Variants in DMD observed in about 807,000 individuals in gnomAD.
DMD encodes the protein dystrophin, also known as mutant dystrophin.
Under a neutral mutation model 330.1 loss-of-function variants are expected in DMD, and 63 were observed. The ratio of observed to expected loss-of-function variants is 0.19; its 90% confidence interval spans 0.16 to 0.24. The LOEUF is 0.24. DMD is among the 10% of genes least tolerant of loss of function. The probability of loss-of-function intolerance (pLI) is 1.00; values close to 1 mark genes in which losing one functional copy is unlikely to be tolerated. For missense variants in DMD, 3,344 were observed against 2,684.1 expected (o/e 1.25, Z -5.43); for synonymous variants, 1,223 against 959.8 (o/e 1.27, Z -5.07).
intron 60 of DMD, among the ~76,000 whole-genome samples, chrX:31,409,187 A>G (rs2061534776): frequency 8.9e-6 from 1 of 111,739 alleles, no homozygotes; most frequent in Admixed American, 9.5e-5. Context: ...TTGGTATCTT[A>G]ATGTTATCCT....
intron 62 of DMD, among the ~76,000 whole-genome samples, chrX:31,301,770 TTTG>T (rs373373602): frequency 1.8e-5 from 2 of 111,862 alleles, no homozygotes; most frequent in African/African-American, 6.5e-5. Flanking sequence ...TTTTTGTTTG[TTTG>T]TTGTTGTTGT....
intron 60 of DMD, among the ~76,000 whole-genome samples, chrX:31,378,676 C>A (rs1196011082): frequency 9.1e-6 from 1 of 109,398 alleles, no homozygotes; most frequent in East Asian, 2.9e-4. Context: ...CATGTCTCTA[C>A]CCCTTCTCCG....
intron 16 of DMD, among the ~76,000 whole-genome samples, chrX:32,555,916 G>T (rs757471681): frequency 3.6e-5 from 4 of 111,543 alleles, no homozygotes; most frequent in Admixed American, 9.5e-5. Flanking sequence ...ATGGGCAAAG[G>T]TTTCATGAGG....
At chrX:31,207,605 T>C (rs1021867116) in intron 65 of DMD, among the ~76,000 whole-genome samples, 2 of 111,738 alleles carry the variant, frequency 1.8e-5, no homozygotes, top group African/African-American at 6.5e-5. Context: ...CTATTATCCT[T>C]AGCAAACTAA....
chrX:31,685,478 C>A (rs1043092589), intron 52 of DMD, among the ~76,000 whole-genome samples: 26 of 112,365 alleles, frequency 2.3e-4, no homozygotes, highest in African/African-American at 8.4e-4. Context: ...TTTTCTCTCA[C>A]CGTGGTTCTC....
intron 57 of DMD, among the ~76,000 whole-genome samples, chrX:31,484,176 T>C (rs745651645): frequency 4.6e-4 from 51 of 111,836 alleles, no homozygotes; most frequent in South Asian, 1.5e-3. Context: ...AGCCTTGATT[T>C]TGATAAGTGT....
chrX:32,828,423 A>T (rs749866645), intron 4 of DMD, among the ~76,000 whole-genome samples: 85 of 107,917 alleles, frequency 7.9e-4, no homozygotes, highest in Middle Eastern at 4.8e-3. Flanking sequence ...AATTCACAGG[A>T]TGTATATACT....
intron 29 of DMD, among the ~76,000 whole-genome samples, chrX:32,418,944 G>A (rs943640679): frequency 6.4e-5 from 5 of 78,111 alleles, no homozygotes; most frequent in African/African-American, 2.8e-4. Context: ...TTGCACTACA[G>A]TCTGGGTGAC....
At chrX:32,130,583 G>GATGCATGCCAC (rs1467114556) in intron 44 of DMD, among the ~76,000 whole-genome samples, 5 of 44,278 alleles carry the variant, frequency 1.1e-4, no homozygotes, top group Non-Finnish European at 2.8e-4. Context: ...CACATCATCT[G>GATGCATGCCAC]ATGCATGCCA....
At position 32,308,366 on chromosome X, in the gene DMD, C is replaced by A. The variant is rs184192543; in HGVS notation, c.6117+1716G>T. Reference sequence around the variant, plus strand: ...CACAATTTCAAACCTTCCCAACCAGCAGCTGTACAATTTATGCACTGCTTT... The same window carrying A: ...CACAATTTCAAACCTTCCCAACCAGAAGCTGTACAATTTATGCACTGCTTT... On this transcript the variant is annotated intron_variant, in intron 42 of 78. Coordinates refer to ENST00000357033, the MANE Select transcript of DMD (RefSeq NM_004006.3). 5.6e-3 allele frequency among the ~76,000 whole-genome samples: 618 copies of A among 111,264 alleles called. 7 individuals carry two copies. The highest frequency in any genetic ancestry group is 0.02 in the African/African-American group (602 of 30,748).
chrX:31,882,566 T>C (rs1387034816), intron 47 of DMD, among the ~76,000 whole-genome samples: 1 of 111,995 alleles, frequency 8.9e-6, no homozygotes, highest in Non-Finnish European at 1.9e-5. Context: ...TCAGGAAAGA[T>C]TGTTAAGAGA....
chrX:33,328,322 G>A (rs1157994352), intron 1 of DMD, among the ~76,000 whole-genome samples: 2 of 110,493 alleles, frequency 1.8e-5, no homozygotes, highest in Non-Finnish European at 3.8e-5. Context: ...TTCTGCCTCA[G>A]CCTCCCGAGT....
At chrX:31,750,139 T>C (rs1412870350) in intron 51 of DMD, among the ~76,000 whole-genome samples, 6 of 110,526 alleles carry the variant, frequency 5.4e-5, no homozygotes, top group Non-Finnish European at 9.5e-5. Context: ...GCAGAAGCTC[T>C]TTAGTTTAGT....
At chrX:31,559,225 C>T (rs962299428) in intron 55 of DMD, among the ~76,000 whole-genome samples, 11 of 111,623 alleles carry the variant, frequency 9.9e-5, no homozygotes, top group African/African-American at 3.3e-4. Flanking sequence ...CCTTCCCTTG[C>T]TGGGTTGCTG....
rs10535803 is a variant in DMD at position 32,121,620 on chromosome X, CATATATATATATATATATATATATATAT to C, written c.6438+95268_6438+95295del. ...AAATAAGGTTTTCAAAATATGTGTG[CATATATATATATATATATATATATATAT>C]ATATATATATATATATGTATTCGGT... On this transcript the variant is annotated intron_variant, in intron 44 of 78. Transcript: ENST00000357033. Among the ~76,000 whole-genome samples the C allele has an allele frequency of 5.8e-3, 210 of 36,438 alleles. 7 individuals are homozygous for C. The highest frequency in any genetic ancestry group is 0.026 in the Middle Eastern group (1 of 39). 31.6% of individuals were successfully genotyped at this position (36,438 alleles called of 115,157 possible).
intron 41 of DMD, among the ~76,000 whole-genome samples, chrX:32,325,114 T>A (rs190189336): frequency 4.4e-4 from 49 of 111,254 alleles, no homozygotes; most frequent in African/African-American, 1.5e-3. Context: ...TATATCTATA[T>A]ATACTATTCA....
intron 7 of DMD, among the ~76,000 whole-genome samples, chrX:32,805,441 C>T (rs1388487524): frequency 9.0e-6 from 1 of 111,685 alleles, no homozygotes; most frequent in Admixed American, 9.5e-5. Context: ...ATGAACAAAG[C>T]CTCCACGAAA....
chrX:32,504,576 G>C (rs925803436), intron 18 of DMD, among the ~76,000 whole-genome samples: 1 of 110,043 alleles, frequency 9.1e-6, no homozygotes, highest in Non-Finnish European at 1.9e-5. Context: ...GCAGTGAGCC[G>C]AGATCACACC....
intron 7 of DMD, among the ~76,000 whole-genome samples, chrX:32,771,754 A>T (rs916100140): frequency 8.9e-6 from 1 of 111,886 alleles, no homozygotes; most frequent in Non-Finnish European, 1.9e-5. Context: ...TGCTAGAGCC[A>T]GAGACACAGT....
Sources: allele counts gnomAD v4.1 joint callset (sites outside exome capture counted in the v4.1 genomes callset), GRCh38; gene constraint gnomAD v4.1.1; transcripts MANE v1.5; gene names NCBI Gene and HGNC (gene_info 2026-07-23, HGNC 2026-07-21).